The following ST7 variants were observed in gnomAD, a reference collection of about 807,000 sequenced individuals.
The protein encoded by ST7 is suppressor of tumorigenicity 7 protein.
Under a neutral mutation model 78.7 loss-of-function variants are expected in ST7, and 28 were observed. The ratio of observed to expected loss-of-function variants is 0.36; its 90% CI spans 0.26 to 0.49. The LOEUF (loss-of-function observed/expected upper bound fraction) is 0.49, where lower values mean the gene tolerates loss of function less well. ST7 is among the 20% of genes least tolerant of loss of function. The probability of loss-of-function intolerance (pLI) is 0.99; values close to 1 mark genes in which losing one functional copy is unlikely to be tolerated. For missense variants in ST7, 418 were observed against 696.0 expected (o/e 0.60, Z 4.49); for synonymous variants, 247 against 249.6 (o/e 0.99, Z 0.10).
At chr7:117,038,121 A>T (rs1056408914) in intron 1 of ST7, among the ~76,000 whole-genome samples, 1 of 152,194 alleles carries the variant, frequency 6.6e-6, no homozygotes, top group Non-Finnish European at 1.5e-5. Context: ...TTCCCAAGCT[A>T]ATGGCAAAAA....
At chr7:117,069,480 A>G (rs1798813266) in intron 1 of ST7, among the ~76,000 whole-genome samples, 1 of 152,246 alleles carries the variant, frequency 6.6e-6, no homozygotes. Flanking sequence ...TCCAATGGAC[A>G]TTCCAAATAG....
Position 117,130,625 on chromosome 7 carries a change from TC to T in ST7, c.565+21del. ...GATGCAAGTATGAAAAATCCATACA[TC>T]CTTCTGAATGGGAGGGCTTTTTGGC... On this transcript the variant is annotated intron_variant, in intron 5 of 15. Coordinates refer to ENST00000323984, the MANE Select transcript of ST7 (RefSeq NM_001369598.1). 6.3e-7 allele frequency: 1 copy of T among 1,582,048 alleles called. No homozygotes were observed. The highest frequency in any genetic ancestry group is 2.3e-5 in the East Asian group (1 of 44,284).
Position 117,057,829 on chromosome 7 carries a change from A to G in ST7, c.152-41933A>G, listed in dbSNP as rs530996209. Among the ~76,000 whole-genome samples the G allele has an allele frequency of 2.0e-4, 31 of 152,306 alleles. No homozygotes were observed. The South Asian group carries it at 5.6e-3, about 27-fold the overall frequency. Reference sequence around the variant, plus strand: ...CCTGTCATATTAATTTTCTGGGACTAACAATTTGTACTATTAAGTAAAAGT... The same window carrying G: ...CCTGTCATATTAATTTTCTGGGACTGACAATTTGTACTATTAAGTAAAAGT... On this transcript the variant is annotated intron_variant, in intron 1 of 15. Coordinates refer to ENST00000323984, the MANE Select transcript of ST7 (RefSeq NM_001369598.1).
intron 15 of ST7, among the ~76,000 whole-genome samples, chr7:117,224,192 C>G (rs184102303): frequency 5.9e-5 from 9 of 152,294 alleles, no homozygotes; most frequent in Non-Finnish European, 1.2e-4. Flanking sequence ...TTGGTTTCCA[C>G]TTATTCCTAT....
At chr7:116,979,956 C>CTCTTTTTT (rs1793874816) in intron 1 of ST7, among the ~76,000 whole-genome samples, 1 of 17,880 alleles carries the variant, frequency 5.6e-5, no homozygotes, top group Non-Finnish European at 1.0e-4. Flanking sequence ...TCTTTTGTTT[C>CTCTTTTTT]TCTTTTTTTT....
chr7:117,123,296 A>C (rs929618974), intron 3 of ST7, among the ~76,000 whole-genome samples: 1 of 152,180 alleles, frequency 6.6e-6, no homozygotes, highest in African/African-American at 2.4e-5. Context: ...AAGCTGAAAA[A>C]CATGGCCTAC....
In ST7 at chr7:117,119,632, C is replaced by T. The variant is rs1416362710; in HGVS notation, c.306C>T (p.Arg102=). ...FIEQVSVSHL[R]PLLGGVDNNS... is the part of the protein sequence containing the mutation. The stretch of plus-strand genomic sequence containing the variant: ...AACAAGTCTCAGTAAGCCACTTGCG[C>T]CCCCTTCTGGGAGGGGTTGACAACA... Residue 102 remains arginine, a synonymous_variant, in exon 3 of 16, where the codon CGC becomes CGT. Coordinates refer to ENST00000323984, the MANE Select transcript of ST7 (RefSeq NM_001369598.1). The T allele has an allele frequency of 1.9e-6, 3 of 1,613,806 alleles. No individual in the cohort carries two copies. Among genetic ancestry groups the T allele is most frequent in the South Asian group, 2.2e-5 (2 of 90,972 alleles).
intron 1 of ST7, among the ~76,000 whole-genome samples, chr7:117,032,995 A>G (rs566025503): frequency 4.6e-5 from 7 of 152,300 alleles, no homozygotes; most frequent in East Asian, 1.9e-4. Context: ...TAGTTTTACT[A>G]TGTTGCTTTG....
At chr7:117,147,696 C>T (rs1423139074) in intron 9 of ST7, among the ~76,000 whole-genome samples, 2 of 151,694 alleles carry the variant, frequency 1.3e-5, no homozygotes, top group South Asian at 4.2e-4. Context: ...TGTTTTTATT[C>T]TGTTTTTTCT....
intron 1 of ST7, among the ~76,000 whole-genome samples, chr7:116,990,629 G>T (rs1268872138): frequency 1.3e-5 from 2 of 152,074 alleles, no homozygotes; most frequent in African/African-American, 4.8e-5. Flanking sequence ...TTAGAAAGCT[G>T]CATACCCATA....
At chr7:117,047,302 T>C (rs994116253) in intron 1 of ST7, among the ~76,000 whole-genome samples, 5 of 152,200 alleles carry the variant, frequency 3.3e-5, no homozygotes, top group Non-Finnish European at 7.3e-5. Context: ...AAATTGTTTT[T>C]ATGACAGAGG....
chr7:117,099,477 T>C (rs1271049308), intron 1 of ST7, among the ~76,000 whole-genome samples: 1 of 152,238 alleles, frequency 6.6e-6, no homozygotes, highest in Non-Finnish European at 1.5e-5. Context: ...CTTCCATGGT[T>C]ATGAATCCAT....
At chr7:116,976,526 AG>A (rs1211864046) in intron 1 of ST7, among the ~76,000 whole-genome samples, 1 of 152,248 alleles carries the variant, frequency 6.6e-6, no homozygotes, top group Non-Finnish European at 1.5e-5. Flanking sequence ...AAGTGGCAGA[AG>A]CAAAAGAAGC....
intron 8 of ST7, 193 bp downstream of exon 8, chr7:117,136,428 G>A (rs1584441324): frequency 1.5e-6 from 1 of 649,782 alleles, no homozygotes. Flanking sequence ...CTTCATTGCT[G>A]TTTATATTCA....
intron 12 of ST7, among the ~76,000 whole-genome samples, chr7:117,199,831 G>A (rs1388328024): frequency 6.6e-6 from 1 of 152,200 alleles, no homozygotes; most frequent in African/African-American, 2.4e-5. Context: ...AGTCAGAGTT[G>A]GGGCAGATAG....
chr7:116,982,256 C>T (rs1292720106), intron 1 of ST7, among the ~76,000 whole-genome samples: 2 of 152,072 alleles, frequency 1.3e-5, no homozygotes, highest in East Asian at 3.9e-4. Flanking sequence ...TAGACTTTTG[C>T]TCTTGTTGCC....
chr7:117,032,747 C>G (rs1796668827), intron 1 of ST7, among the ~76,000 whole-genome samples: 1 of 152,162 alleles, frequency 6.6e-6, no homozygotes, highest in African/African-American at 2.4e-5. Flanking sequence ...ATTCATCCAC[C>G]TTTGTTTTAG....
At chr7:117,032,250 T>A (rs1399662153) in intron 1 of ST7, among the ~76,000 whole-genome samples, 3 of 152,170 alleles carry the variant, frequency 2.0e-5, no homozygotes, top group Non-Finnish European at 4.4e-5. Flanking sequence ...ATTATGTTTA[T>A]GTAAATGCTA....
chr7:117,104,397 A>G (rs1393338447), intron 2 of ST7, among the ~76,000 whole-genome samples: 1 of 152,152 alleles, frequency 6.6e-6, no homozygotes, highest in African/African-American at 2.4e-5. Context: ...CTGAGATGGC[A>G]CCACTGCACT....
Sources: gnomAD v4.1 joint callset for allele counts (sites outside exome capture counted in the v4.1 genomes callset) on GRCh38, gnomAD v4.1.1 for gene constraint, MANE v1.5 for transcripts, NCBI Gene and HGNC (gene_info 2026-07-23, HGNC 2026-07-21) for gene names.